CSNK1D: variants seen among roughly 807,000 people sequenced by gnomAD.
CSNK1D encodes the protein casein kinase I isoform delta.
Under a neutral mutation model 46.6 loss-of-function variants are expected in CSNK1D, and 16 were observed. The observed-to-expected ratio is 0.34, with a 90% CI of 0.23 to 0.52. The LOEUF is 0.52. Ranked by LOEUF, CSNK1D falls within the 20% of genes least tolerant of loss-of-function variation. CSNK1D has a pLI of 0.95. For missense variants in CSNK1D, 398 were observed against 578.4 expected (o/e 0.69, Z 3.20); for synonymous variants, 276 against 228.2 (o/e 1.21, Z -1.89).
intron 1 of CSNK1D, among the ~76,000 whole-genome samples, chr17:82,271,833 T>C (rs1400215196): frequency 6.6e-6 from 1 of 152,136 alleles, no homozygotes; most frequent in Non-Finnish European, 1.5e-5. Flanking sequence ...ACCAGAGGCA[T>C]TACTGACATC....
At chr17:82,273,720 A>AC (rs1315999850), upstream of CSNK1D, 4 of 417,756 alleles carry the variant, frequency 9.6e-6, no homozygotes, top group Admixed American at 4.5e-5. This position sits in a 1 kb window ranked among gnomAD's most constrained non-coding sequence, Gnocchi z 5.1. Flanking sequence ...TCCCCTAGCA[A>AC]CCCGGCGGGG....
intron 8 of CSNK1D, 121 bp from the exon 9 acceptor site, chr17:82,244,952 G>C (rs2050811916): frequency 7.6e-7 from 1 of 1,308,688 alleles, no homozygotes; most frequent in Non-Finnish European, 1.1e-6. Flanking sequence ...CCCCAGTCTA[G>C]ACGCCTGCGT....
At position 82,243,077 on chromosome 17, in the gene CSNK1D, C is replaced by T; in HGVS notation, c.*1704G>A. 1.0e-6 allele frequency: 1 copy of T among 985,464 alleles called. No homozygotes were observed. The highest frequency in any genetic ancestry group is 1.2e-6 in the Non-Finnish European group (1 of 829,942). 61.0% of individuals were successfully genotyped at this position (985,464 alleles called of 1,614,324 possible). ...TGACCCACCCCAACCTCCCTCTGTA[C>T]TTCAACACACAGCTCCCACCCGCTC... On this transcript the variant is annotated 3_prime_UTR_variant, in exon 9 of 9. Coordinates refer to ENST00000314028, the MANE Select transcript of CSNK1D (RefSeq NM_001893.6).
intron 3 of CSNK1D, 130 bp from the exon 4 acceptor site, chr17:82,253,374 T>C (rs1481523763): frequency 3.4e-5 from 28 of 826,206 alleles, no homozygotes; most frequent in South Asian, 3.2e-4. Flanking sequence ...GTTTAACAAT[T>C]AGCGAGGGGG....
At position 82,248,286 on chromosome 17, in the gene CSNK1D, G is replaced by GAGAGA; in HGVS notation, c.1197+584_1197+588dup. On this transcript the variant is annotated intron_variant, in intron 8 of 8. Transcript: ENST00000314028. This position sits in a 1 kb window ranked among gnomAD's most constrained non-coding sequence, Gnocchi z 4.1. ...ACAACAAAAGCCAGAGCGAGGAGAG[G>GAGAGA]AGAGACCGCTGCAGGATGCTGAAGA... 1.0e-6 allele frequency: 1 copy of GAGAGA among 987,188 alleles called. No individual in the cohort carries two copies. Among genetic ancestry groups the GAGAGA allele is most frequent in the Non-Finnish European group, 1.2e-6 (1 of 831,028 alleles). 61.2% of individuals were successfully genotyped at this position (987,188 alleles called of 1,614,324 possible).
Position 82,248,194 on chromosome 17 carries a change from A to G in CSNK1D, c.1197+681T>C, listed in dbSNP as rs950223622. The stretch of plus-strand genomic sequence containing the variant: ...GCGAACAACCCAGAAAACTATTTGA[A>G]GAAATATAATGGATCCATATGGAGA... On this transcript the variant is annotated intron_variant, in intron 8 of 8. Coordinates refer to ENST00000314028, the MANE Select transcript of CSNK1D (RefSeq NM_001893.6). This position sits in a 1 kb window ranked among gnomAD's most constrained non-coding sequence, Gnocchi z 4.1. 1 of 985,444 alleles carries G rather than the reference A, an allele frequency of 1.0e-6. No individual in the cohort carries two copies. Among genetic ancestry groups the G allele is most frequent in the African/African-American group, 1.7e-5 (1 of 57,256 alleles). The allele number at this position is 985,444 out of a possible 1,614,324, so 61.0% of individuals were successfully genotyped here. A position where few individuals can be genotyped will look rare whatever the true frequency, so the allele number is the denominator to read the frequency against.
At chr17:82,242,364 G>A (rs1174246758), downstream of CSNK1D, among the ~76,000 whole-genome samples, 1 of 152,232 alleles carries the variant, frequency 6.6e-6, no homozygotes, top group Admixed American at 6.5e-5. Flanking sequence ...CAGGCGGCTG[G>A]AGTGCGGCTG....
At chr17:82,246,224 G>A in intron 8 of CSNK1D, 7 of 1,503,898 alleles carry the variant, frequency 4.7e-6, no homozygotes, top group Non-Finnish European at 6.2e-6. Flanking sequence ...CTGGATGAGA[G>A]TGGTGCCCAC....
chr17:82,258,404 G>A (rs2051240089), intron 2 of CSNK1D, among the ~76,000 whole-genome samples: 1 of 151,658 alleles, frequency 6.6e-6, no homozygotes, highest in Admixed American at 6.6e-5. Flanking sequence ...TGCATTCTGC[G>A]TCACAGTCGA....
chr17:82,247,571 TAC>T, intron 8 of CSNK1D: 2 of 985,392 alleles, frequency 2.0e-6, no homozygotes, highest in Non-Finnish European at 2.4e-6. Context: ...GTTCAGGGGC[TAC>T]AGAGCCAGCC....
chr17:82,244,804 G>A lies in CSNK1D; in HGVS notation c.1225C>T (p.Leu409Phe). 1 of 1,613,962 alleles carries A rather than the reference G, an allele frequency of 6.2e-7. No individual in the cohort carries two copies. The highest frequency in any genetic ancestry group is 8.5e-7 in the Non-Finnish European group (1 of 1,180,034). The change falls in exon 9 of 9, where the codon CTT becomes TTT. Residue 409 changes from leucine to phenylalanine, a missense_variant. This residue lies in a region of CSNK1D where 181 missense variants were observed against 208.0 expected (regional missense o/e 0.87). Coordinates refer to ENST00000314028, the MANE Select transcript of CSNK1D (RefSeq NM_001893.6). ...QIPGRVASSG[L>F]QSVVHR The stretch of plus-strand genomic sequence containing the variant: ...TCTCATCGGTGCACGACAGACTGAA[G>A]ACCACTGGAAGCCACCCGACCAGGA...
intron 1 of CSNK1D, chr17:82,272,231 C>G (rs570277006): frequency 6.5e-6 from 1 of 152,778 alleles, no homozygotes; most frequent in African/African-American, 2.4e-5. Context: ...GTGATCCCAG[C>G]TTTTCGGGAG....
chr17:82,243,613 G>A lies in CSNK1D; in HGVS notation c.*1168C>T. 4.1e-6 allele frequency: 4 copies of A among 985,530 alleles called. No homozygotes were observed. The highest frequency in any genetic ancestry group is 3.6e-6 in the Non-Finnish European group (3 of 829,972). 61.0% of individuals were successfully genotyped at this position (985,530 alleles called of 1,614,324 possible). A position where few individuals can be genotyped will look rare whatever the true frequency, so the allele number is the denominator to read the frequency against. On this transcript the variant is annotated 3_prime_UTR_variant, in exon 9 of 9. Transcript: ENST00000314028. The stretch of plus-strand genomic sequence containing the variant: ...TCTGGCCGTGAAGGTTCTGGGTCCG[G>A]TTGGGAGAGTCACCTGCTCCTTGGC...
chr17:82,268,946 A>C (rs889403983), intron 1 of CSNK1D, among the ~76,000 whole-genome samples: 10 of 151,864 alleles, frequency 6.6e-5, no homozygotes, highest in African/African-American at 2.4e-4. Context: ...ATACAAAAAA[A>C]ATTAGCCAGG....
chr17:82,255,342 G>A lies in CSNK1D; in HGVS notation c.336+87C>T. Reference sequence around the variant, plus strand: ...TTTCCATTTCCTCTGTGAATTAATGGCCATAATAATGGCAAGAACAGCACA... The same window carrying A: ...TTTCCATTTCCTCTGTGAATTAATGACCATAATAATGGCAAGAACAGCACA... On this transcript the variant is annotated intron_variant, in intron 3 of 8. Transcript: ENST00000314028. This position sits in a 1 kb window ranked among gnomAD's most constrained non-coding sequence, Gnocchi z 5.9. The A allele has an allele frequency of 6.8e-7, 1 of 1,469,346 alleles. No individual in the cohort carries two copies. Among genetic ancestry groups the A allele is most frequent in the Non-Finnish European group, 9.5e-7 (1 of 1,049,198 alleles). 91.0% of individuals were successfully genotyped at this position (1,469,346 alleles called of 1,614,324 possible).
In CSNK1D at chr17:82,249,273, G is replaced by A; in HGVS notation, c.1057+158C>T. 1.2e-6 allele frequency: 1 copy of A among 855,306 alleles called. No homozygotes were observed. Among genetic ancestry groups the A allele is most frequent in the Admixed American group, 2.8e-5 (1 of 36,040 alleles). The allele number at this position is 855,306 out of a possible 1,614,324, so 53.0% of individuals were successfully genotyped here. A position where few individuals can be genotyped will look rare whatever the true frequency, so the allele number is the denominator to read the frequency against. On this transcript the variant is annotated intron_variant, in intron 7 of 8. Coordinates refer to ENST00000314028, the MANE Select transcript of CSNK1D (RefSeq NM_001893.6). The surrounding 1 kb of genome is among the most constrained non-coding windows in gnomAD (Gnocchi z 6.7). Reference sequence around the variant, plus strand: ...CCAGCAGGTGCCGGCATTTCTAAAGGCGCCTGGGCAGCCTGGCTCATCCAC... The same window carrying A: ...CCAGCAGGTGCCGGCATTTCTAAAGACGCCTGGGCAGCCTGGCTCATCCAC...
rs1359676206 is a variant in CSNK1D, at chr17:82,253,262, G to A, written c.337-18C>T. 3.7e-6 allele frequency: 6 copies of A among 1,601,058 alleles called. No homozygotes were observed. In the South Asian group the frequency reaches 4.4e-5, roughly 12 times the overall value. Reference sequence around the variant, plus strand: ...CGACTGATCTGTGAGCAGAGCAAGGGCGCGAGATGGCACCCCAGGGCAGTC... The same window carrying A: ...CGACTGATCTGTGAGCAGAGCAAGGACGCGAGATGGCACCCCAGGGCAGTC... On this transcript the variant is annotated intron_variant, in intron 3 of 8. Transcript: ENST00000314028.
chr17:82,263,180 CAAACAAAAACAAAAAACAAAAAACAA>C (rs1033560191), intron 2 of CSNK1D, among the ~76,000 whole-genome samples: 4 of 151,738 alleles, frequency 2.6e-5, no homozygotes, highest in African/African-American at 9.7e-5. Flanking sequence ...ACTCTGTCTC[CAAACAAAAACAAAAAACAAAAAACAA>C]AAACAAAAAC....
chr17:82,243,910 G>C lies in CSNK1D; in HGVS notation c.*871C>G, dbSNP rs1407704333. On this transcript the variant is annotated 3_prime_UTR_variant, in exon 9 of 9. Coordinates refer to ENST00000314028, the MANE Select transcript of CSNK1D (RefSeq NM_001893.6). Reference sequence around the variant, plus strand: ...CCTGGGACTCCCAATTGTCCTGCTAGGGTCTCAAAGCCTCTGCTTCCAAGC... The same window carrying C: ...CCTGGGACTCCCAATTGTCCTGCTACGGTCTCAAAGCCTCTGCTTCCAAGC... 4 of 985,706 alleles carry C rather than the reference G, an allele frequency of 4.1e-6. No individual in the cohort carries two copies. The highest frequency in any genetic ancestry group is 4.8e-6 in the Non-Finnish European group (4 of 830,214). 61.1% of individuals were successfully genotyped at this position (985,706 alleles called of 1,614,324 possible). A position where few individuals can be genotyped will look rare whatever the true frequency, so the allele number is the denominator to read the frequency against.
Sources: gnomAD v4.1 joint callset for allele counts (sites outside exome capture counted in the v4.1 genomes callset) on GRCh38, gnomAD v4.1.1 for gene constraint, gnomAD v4.1.1 regional missense constraint, Gnocchi (gnomAD v3.1) non-coding constraint, MANE v1.5 for transcripts, NCBI Gene and HGNC (gene_info 2026-07-23, HGNC 2026-07-21) for gene names.